MDGA2: variants seen among roughly 807,000 people sequenced by gnomAD.
MDGA2 encodes the protein MAM domain-containing glycosylphosphatidylinositol anchor protein 2.
A neutral mutation model predicts 117.8 loss-of-function variants in MDGA2; 40 were observed. The observed-to-expected ratio is 0.34, with a 90% CI of 0.26 to 0.44. The LOEUF is 0.44. Ranked by LOEUF, MDGA2 falls within the 20% of genes least tolerant of loss-of-function variation. The probability of loss-of-function intolerance (pLI) is 1.00; values close to 1 mark genes in which losing one functional copy is unlikely to be tolerated. For synonymous variants in MDGA2, 452 were observed against 439.0 expected (o/e 1.03, Z -0.37); for missense variants, 1,123 against 1,250.6 (o/e 0.90, Z 1.54).
chr14:47,409,864 A>C (rs1892335264), intron 1 of MDGA2, among the ~76,000 whole-genome samples: 1 of 152,196 alleles, frequency 6.6e-6, no homozygotes, highest in African/African-American at 2.4e-5. Context: ...CTAAAGAAAC[A>C]GCGTGGACCA....
intron 1 of MDGA2, among the ~76,000 whole-genome samples, chr14:47,582,580 G>A (rs1357783601): frequency 6.6e-6 from 1 of 151,750 alleles, no homozygotes. Flanking sequence ...TTTCAATATA[G>A]AGTGTCAGCA....
At chr14:47,387,796 T>C (rs1290154475) in intron 1 of MDGA2, among the ~76,000 whole-genome samples, 1 of 152,194 alleles carries the variant, frequency 6.6e-6, no homozygotes, top group Non-Finnish European at 1.5e-5. Flanking sequence ...TTGAAAGTCA[T>C]AGATCTCACC....
At chr14:47,007,721 T>C (rs1435708029) in intron 8 of MDGA2, among the ~76,000 whole-genome samples, 2 of 151,860 alleles carry the variant, frequency 1.3e-5, no homozygotes, top group Admixed American at 6.6e-5. Context: ...AAAGTACTGA[T>C]ACTTTTCAAT....
intron 16 of MDGA2, among the ~76,000 whole-genome samples, chr14:46,844,600 A>AGG (rs1383517102): frequency 2.6e-5 from 4 of 152,246 alleles, no homozygotes; most frequent in African/African-American, 9.6e-5. Context: ...AAATTGGCTA[A>AGG]ATCAGGAAAT....
chr14:46,934,292 C>A (rs534835261), intron 9 of MDGA2, among the ~76,000 whole-genome samples: 1 of 151,932 alleles, frequency 6.6e-6, no homozygotes, highest in Non-Finnish European at 1.5e-5. Flanking sequence ...ATAAATTATT[C>A]TTTTATAATT....
rs1335012721 is a variant in MDGA2 at position 46,840,850 on chromosome 14, G to C, written c.*1081C>G. ...TGGAAGAAAAAAAGTGTTGCTCCAT[G>C]TCTGGTCTCAATGGAAGTGATTTTC... On this transcript the variant is annotated 3_prime_UTR_variant, in exon 17 of 17. Coordinates refer to ENST00000399232, the MANE Select transcript of MDGA2 (RefSeq NM_001113498.3). 6.6e-6 allele frequency: 1 copy of C among 152,582 alleles called. No homozygotes were observed. The highest frequency in any genetic ancestry group is 1.5e-5 in the Non-Finnish European group (1 of 68,020). The allele number at this position is 152,582 out of a possible 1,614,324, so 9.5% of individuals were successfully genotyped here.
intron 4 of MDGA2, among the ~76,000 whole-genome samples, chr14:47,136,870 G>C (rs1378783848): frequency 3.3e-5 from 5 of 152,156 alleles, no homozygotes; most frequent in African/African-American, 9.7e-5. Context: ...CATTAGGGTA[G>C]CCTGCAAGAT....
chr14:47,098,231 T>C (rs1457080577), intron 5 of MDGA2, among the ~76,000 whole-genome samples: 1 of 146,708 alleles, frequency 6.8e-6, no homozygotes, highest in Non-Finnish European at 1.5e-5. Flanking sequence ...GCTAGACTAC[T>C]TGTGAAGTTC....
chr14:47,489,420 AAACT>A (rs973204870), intron 1 of MDGA2, among the ~76,000 whole-genome samples: 3 of 152,062 alleles, frequency 2.0e-5, no homozygotes, highest in African/African-American at 4.8e-5. Flanking sequence ...ACAGCTAATT[AAACT>A]AACTGACAGG....
intron 5 of MDGA2, among the ~76,000 whole-genome samples, chr14:47,122,986 C>T (rs929266714): frequency 6.6e-6 from 1 of 151,922 alleles, no homozygotes; most frequent in Non-Finnish European, 1.5e-5. Context: ...TATAATCTAA[C>T]AGCATATTAA....
At chr14:47,630,884 T>C in intron 1 of MDGA2, among the ~76,000 whole-genome samples, 1 of 152,202 alleles carries the variant, frequency 6.6e-6, no homozygotes, top group East Asian at 1.9e-4. Flanking sequence ...CCAGAGAGTA[T>C]GGTAGTTGCT....
chr14:46,934,519 C>T (rs542548579), intron 9 of MDGA2, among the ~76,000 whole-genome samples: 1 of 152,236 alleles, frequency 6.6e-6, no homozygotes, highest in Non-Finnish European at 1.5e-5. Context: ...AATTACTGAA[C>T]TGACACGTAC....
intron 8 of MDGA2, among the ~76,000 whole-genome samples, chr14:47,029,518 G>A (rs1029592382): frequency 6.6e-6 from 1 of 152,088 alleles, no homozygotes; most frequent in Non-Finnish European, 1.5e-5. Context: ...CATGTCATTA[G>A]TTGAAGGTAC....
At chr14:47,508,440 A>T (rs1276226581) in intron 1 of MDGA2, among the ~76,000 whole-genome samples, 1 of 151,242 alleles carries the variant, frequency 6.6e-6, no homozygotes, top group Non-Finnish European at 1.5e-5. Flanking sequence ...TATGAATGAG[A>T]AACAGAAGGG....
intron 1 of MDGA2, among the ~76,000 whole-genome samples, chr14:47,512,531 G>T (rs975066139): frequency 7.9e-5 from 12 of 152,094 alleles, no homozygotes; most frequent in Non-Finnish European, 1.3e-4. Context: ...AAATGCCAAA[G>T]ATTTGAATGA....
At position 47,020,085 on chromosome 14, in the gene MDGA2, A is replaced by T. The variant is rs574656723; in HGVS notation, c.1819+14926T>A. The stretch of plus-strand genomic sequence containing the variant: ...GTCCCCACTCAAAACTAAAGCTGCG[A>T]ATTCAAGGCACAGACATTTTGGGAT... On this transcript the variant is annotated intron_variant, in intron 8 of 16. Transcript: ENST00000399232. Among the ~76,000 whole-genome samples the T allele has an allele frequency of 2.0e-5, 3 of 152,306 alleles. No individual in the cohort carries two copies. In the East Asian group the frequency reaches 5.8e-4, roughly 29 times the overall value.
chr14:47,628,136 A>G (rs1317091652), intron 1 of MDGA2, among the ~76,000 whole-genome samples: 1 of 152,048 alleles, frequency 6.6e-6, no homozygotes, highest in African/African-American at 2.4e-5. Context: ...CCACTGTCTC[A>G]AGTTCTCTTC....
intron 1 of MDGA2, among the ~76,000 whole-genome samples, chr14:47,525,737 T>C (rs1056367632): frequency 4.3e-4 from 65 of 151,758 alleles, no homozygotes; most frequent in Non-Finnish European, 6.2e-4. Context: ...AGTTTTTTTT[T>C]TTTCTCTCTC....
intron 1 of MDGA2, among the ~76,000 whole-genome samples, chr14:47,593,421 C>G (rs141216508): frequency 6.6e-6 from 1 of 152,170 alleles, no homozygotes; most frequent in South Asian, 2.1e-4. Context: ...TATAAAGATA[C>G]ATGCATGCGT....
Sources: gnomAD v4.1 joint callset for allele counts (sites outside exome capture counted in the v4.1 genomes callset) on GRCh38, gnomAD v4.1.1 for gene constraint, MANE v1.5 for transcripts, NCBI Gene and HGNC (gene_info 2026-07-23, HGNC 2026-07-21) for gene names.